The following SFXN5 variants were observed in gnomAD, a reference collection of about 807,000 sequenced individuals.
The protein encoded by SFXN5 is sideroflexin 5, also known as sideroflexin-5.
A neutral mutation model predicts 50.2 loss-of-function variants in SFXN5; 43 were observed. The ratio of observed to expected loss-of-function variants is 0.86; its 90% CI spans 0.67 to 1.11. The LOEUF (loss-of-function observed/expected upper bound fraction) is 1.11. SFXN5 is among the 50% of genes least tolerant of loss of function. The pLI, the probability that SFXN5 is intolerant of heterozygous loss-of-function variation, is 0.00. For synonymous variants in SFXN5, 203 were observed against 185.8 expected, an observed-to-expected ratio of 1.09 and a Z score of -0.75; for missense variants, 463 against 454.1, an observed-to-expected ratio of 1.02 and a Z score of -0.18.
At chr2:73,047,277 C>CACACATATATATATATATATAT (rs1277443036) in intron 2 of SFXN5, among the ~76,000 whole-genome samples, 1 of 56,796 alleles carries the variant, frequency 1.8e-5, no homozygotes, top group Non-Finnish European at 3.1e-5. Context: ...TATATATATA[C>CACACATATATATATATATATAT]ACACATATAT....
intron 6 of SFXN5, among the ~76,000 whole-genome samples, chr2:73,013,406 C>CGTGTGTGTGTGTGTGT (rs61590375): frequency 4.3e-5 from 6 of 139,718 alleles, no homozygotes; most frequent in African/African-American, 1.1e-4. Context: ...AGGGATATTT[C>CGTGTGTGTGTGTGTGT]GTGTGTGTGT....
At chr2:73,021,844 G>A (rs889563298) in intron 5 of SFXN5, among the ~76,000 whole-genome samples, 1 of 152,160 alleles carries the variant, frequency 6.6e-6, no homozygotes, top group Admixed American at 6.5e-5. Flanking sequence ...ACAACTGCTG[G>A]GGGGATAAGC....
At chr2:72,963,891 T>G (rs114486523) in intron 12 of SFXN5, among the ~76,000 whole-genome samples, 5 of 152,196 alleles carry the variant, frequency 3.3e-5, no homozygotes, top group African/African-American at 9.6e-5. Flanking sequence ...CCCTGGAGCA[T>G]TCAGGGGAGC....
chr2:72,976,610 G>A (rs752983720), intron 10 of SFXN5, among the ~76,000 whole-genome samples: 3 of 152,174 alleles, frequency 2.0e-5, no homozygotes, highest in Non-Finnish European at 2.9e-5. Flanking sequence ...TGGTGGCCAC[G>A]ATGCTGTGTT....
chr2:73,037,237 T>C (rs879385094), intron 3 of SFXN5, among the ~76,000 whole-genome samples: 1 of 152,190 alleles, frequency 6.6e-6, no homozygotes, highest in Non-Finnish European at 1.5e-5. Context: ...ATGCCCTCAG[T>C]CTGGGAGGGT....
intron 5 of SFXN5, among the ~76,000 whole-genome samples, chr2:73,021,020 C>T (rs915587753): frequency 6.6e-6 from 1 of 152,214 alleles, no homozygotes; most frequent in African/African-American, 2.4e-5. Context: ...CTCCTGAGTG[C>T]ACATAATCAC....
Position 73,022,543 on chromosome 2 carries a change from A to AT in SFXN5, c.309_310insA (p.Phe104IlefsTer5). 2.0e-6 allele frequency: 3 copies of AT among 1,534,710 alleles called. No homozygotes were observed. The highest frequency in any genetic ancestry group is 2.7e-6 in the Non-Finnish European group (3 of 1,129,358). The stretch of plus-strand genomic sequence containing the variant: ...TTACCTGACATTCTAAATGGCATGA[A>AT]GATCTTCTCATTGGTGTCCGGATGT... On this transcript the variant is annotated frameshift_variant, in exon 5 of 14. Coordinates refer to ENST00000272433, the MANE Select transcript of SFXN5 (RefSeq NM_144579.3). LOFTEE classifies it high-confidence loss of function.
At chr2:73,023,086 G>A (rs1322431119) in intron 4 of SFXN5, 102 bp downstream of exon 4, 27 of 1,198,422 alleles carry the variant, frequency 2.3e-5, no homozygotes, top group Non-Finnish European at 3.0e-5. Context: ...GTGAGAGCCC[G>A]AAGAGCCACC....
chr2:72,996,351 C>A (rs747614874), intron 9 of SFXN5, among the ~76,000 whole-genome samples: 4 of 152,070 alleles, frequency 2.6e-5, no homozygotes, highest in Admixed American at 6.5e-5. Flanking sequence ...GGCTCCAAGT[C>A]CCCCAGTAAC....
intron 12 of SFXN5, among the ~76,000 whole-genome samples, chr2:72,968,239 C>G (rs1288469787): frequency 6.6e-6 from 1 of 151,962 alleles, no homozygotes; most frequent in African/African-American, 2.4e-5. Context: ...GCCCAGGGTC[C>G]TGCATAGTAA....
intron 3 of SFXN5, 107 bp downstream of exon 3, chr2:73,040,740 AGCAGAAG>A: frequency 1.3e-6 from 1 of 767,856 alleles, no homozygotes; most frequent in Non-Finnish European, 2.1e-6. Flanking sequence ...GGTATGTACC[AGCAGAAG>A]TATATGCTGG....
intron 13 of SFXN5, among the ~76,000 whole-genome samples, chr2:72,956,702 A>G (rs890303151): frequency 3.3e-5 from 5 of 152,078 alleles, no homozygotes; most frequent in African/African-American, 1.2e-4. Context: ...CCATTTCTCC[A>G]CCACAGCCAG....
intron 2 of SFXN5, among the ~76,000 whole-genome samples, chr2:73,041,911 C>T (rs1358173273): frequency 6.6e-6 from 1 of 152,176 alleles, no homozygotes; most frequent in Non-Finnish European, 1.5e-5. Context: ...GTTGCTCAGG[C>T]TGGTCTCAAA....
At chr2:73,005,324 T>C (rs767475990) in intron 6 of SFXN5, among the ~76,000 whole-genome samples, 1 of 152,202 alleles carries the variant, frequency 6.6e-6, no homozygotes, top group Non-Finnish European at 1.5e-5. Context: ...CGTCTGTACC[T>C]TTGCTGCTCC....
At chr2:72,959,098 C>G (rs1246812643) in intron 13 of SFXN5, among the ~76,000 whole-genome samples, 4 of 152,190 alleles carry the variant, frequency 2.6e-5, no homozygotes, top group Non-Finnish European at 5.9e-5. Flanking sequence ...CTCACCTCTC[C>G]TCCACCTCTC....
intron 9 of SFXN5, chr2:72,994,755 G>C (rs894200256): frequency 2.0e-5 from 3 of 152,562 alleles, no homozygotes; most frequent in African/African-American, 7.2e-5. Context: ...CAGGGCTCCA[G>C]GCATGGCCTC....
At chr2:73,035,493 CTTTTTT>C (rs761321478) in intron 3 of SFXN5, among the ~76,000 whole-genome samples, 3 of 101,844 alleles carry the variant, frequency 2.9e-5, no homozygotes, top group African/African-American at 1.3e-4. Context: ...GTATCGCAAT[CTTTTTT>C]TTTTTTTTTT....
In SFXN5 at chr2:72,993,548, G is replaced by C. The variant is rs916687880; in HGVS notation, c.535-5200C>G. Among the ~76,000 whole-genome samples the C allele has an allele frequency of 6.7e-4, 102 of 152,222 alleles. 1 individual carries two copies. The highest frequency in any genetic ancestry group is 4.6e-4 in the Admixed American group (7 of 15,288). ...ATTACATCAGACCCCTTCTACATGG[G>C]AGGGGGCAACAACTTGTCCTACCTA... On this transcript the variant is annotated intron_variant, in intron 9 of 13. Transcript: ENST00000272433.
At chr2:72,974,829 C>A (rs1670435671) in intron 10 of SFXN5, among the ~76,000 whole-genome samples, 1 of 146,876 alleles carries the variant, frequency 6.8e-6, no homozygotes. Context: ...CACTGAGAGC[C>A]TAAGCAAATG....
Sources: gnomAD v4.1 joint callset for allele counts (sites outside exome capture counted in the v4.1 genomes callset) on GRCh38, gnomAD v4.1.1 for gene constraint, MANE v1.5 for transcripts, NCBI Gene and HGNC (gene_info 2026-07-23, HGNC 2026-07-21) for gene names.